Variants in HTR3A observed in about 807,000 individuals in gnomAD.
HTR3A encodes 5-hydroxytryptamine receptor 3A, also known as 5-hydroxytryptamine (serotonin) receptor 3A, ionotropic.
In HTR3A, 45 loss-of-function variants were observed where a neutral mutation model predicts 54.8. That is an observed-to-expected ratio of 0.82 (90% CI 0.65 to 1.05). The LOEUF is 1.05. HTR3A is among the 50% of genes least tolerant of loss of function. The pLI is 0.00. For missense variants in HTR3A, 657 were observed against 614.0 expected (o/e 1.07, Z -0.74); for synonymous variants, 297 against 256.0 (o/e 1.16, Z -1.53).
intron 5 of HTR3A, among the ~76,000 whole-genome samples, chr11:113,984,442 C>T (rs1950463954): frequency 6.6e-6 from 1 of 151,962 alleles, no homozygotes; most frequent in Non-Finnish European, 1.5e-5. Flanking sequence ...ATAATGAGAC[C>T]CTATAAAAAT....
chr11:113,985,006 C>T (rs1345722789), intron 5 of HTR3A, among the ~76,000 whole-genome samples: 3 of 152,170 alleles, frequency 2.0e-5, no homozygotes, highest in Admixed American at 1.3e-4. Flanking sequence ...TGATGCATGA[C>T]TGCCTTGACC....
chr11:113,979,367 A>G, intron 3 of HTR3A, 90 bp downstream of exon 3: 2 of 1,010,994 alleles, frequency 2.0e-6, no homozygotes, highest in Non-Finnish European at 3.1e-6. Flanking sequence ...TGGCGAGGGA[A>G]GGTGAGCGGA....
In HTR3A at chr11:113,985,380, C is replaced by T. The variant is rs3853773; in HGVS notation, c.545-635C>T. On this transcript the variant is annotated intron_variant, in intron 5 of 8. Transcript: ENST00000504030. ...CTCATGATTTTGGAAGGCAGCTGTG[C>T]TCACCACTACCACAAATGCAAACAT... Among the ~76,000 whole-genome samples the T allele has an allele frequency of 2.7e-3, 406 of 152,288 alleles. 2 individuals carry two copies. Among genetic ancestry groups the T allele is most frequent in the African/African-American group, 8.9e-3 (371 of 41,562 alleles).
In HTR3A at chr11:113,989,913, T is replaced by C. The variant is rs970764280; in HGVS notation, c.*150T>C. On this transcript the variant is annotated 3_prime_UTR_variant, in exon 9 of 9. Transcript: ENST00000504030. This position sits in a 1 kb window ranked among gnomAD's most constrained non-coding sequence, Gnocchi z 4.4. ...GCCCTGTTTCCAATGCCAATTCATCTCAGCAATCACAAGCCAAGGTCTGAA... is the reference window on the plus strand; with the variant it reads ...GCCCTGTTTCCAATGCCAATTCATCCCAGCAATCACAAGCCAAGGTCTGAA... 5 of 916,438 alleles carry C rather than the reference T, an allele frequency of 5.5e-6. No homozygotes were observed. Among genetic ancestry groups the C allele is most frequent in the Non-Finnish European group, 8.6e-6 (5 of 578,080 alleles). The allele number at this position is 916,438 out of a possible 1,614,324, so 56.8% of individuals were successfully genotyped here. A position where few individuals can be genotyped will look rare whatever the true frequency, so the allele number is the denominator to read the frequency against.
At position 113,986,944 on chromosome 11, in the gene HTR3A, C is replaced by T; in HGVS notation, c.1036C>T (p.Leu346=). 1 of 1,614,184 alleles carries T rather than the reference C, an allele frequency of 6.2e-7. No homozygotes were observed. The highest frequency in any genetic ancestry group is 1.6e-4 in the Middle Eastern group (1 of 6,062). Residue 346 remains leucine (L), a synonymous_variant, in exon 8 of 9, where the codon CTG becomes TTG. Transcript: ENST00000504030. ...GCCCGTGCCTGCTTGGCTGCGTCAC[C>T]TGGTTCTGGAGAGAATCGCCTGGCT... The part of the protein sequence containing the change: ...QQPVPAWLRH[L]VLERIAWLLC...
At chr11:113,979,344 G>T in intron 3 of HTR3A, 67 bp downstream of exon 3, 1 of 1,294,142 alleles carries the variant, frequency 7.7e-7, no homozygotes, top group Non-Finnish European at 1.1e-6. Flanking sequence ...GAATTCGGGA[G>T]TTTCAGTGGC....
chr11:113,986,649 A>T lies in HTR3A; in HGVS notation c.837A>T (p.Thr279=), dbSNP rs745971512. ...NSGERVSFKI[T]LLLGYSVFLI... ...GCGAGAGGGTCTCTTTCAAGATTAC[A>T]CTCCTCCTGGGCTACTCGGTCTTCC... Residue 279 remains threonine, a synonymous_variant, in exon 7 of 9, where the codon ACA becomes ACT. Transcript: ENST00000504030. 1 of 1,612,838 alleles carries T rather than the reference A, an allele frequency of 6.2e-7. No individual in the cohort carries two copies. The highest frequency in any genetic ancestry group is 8.5e-7 in the Non-Finnish European group (1 of 1,179,718).
chr11:113,975,325 T>C lies in HTR3A; in HGVS notation c.-1T>C. ...GCACTCCTATGCTTGGAAAGCTCGC[T>C]ATGCTGCTGTGGGTCCAGCAGGCGC... On this transcript the variant is annotated 5_prime_UTR_variant, in exon 1 of 9. Transcript: ENST00000504030. 1 of 1,613,592 alleles carries C rather than the reference T, an allele frequency of 6.2e-7. No individual in the cohort carries two copies. Among genetic ancestry groups the C allele is most frequent in the Non-Finnish European group, 8.5e-7 (1 of 1,180,012 alleles).
intron 7 of HTR3A, 31 bp from the exon 8 acceptor site, chr11:113,986,794 G>A: frequency 6.2e-7 from 1 of 1,606,014 alleles, no homozygotes; most frequent in Non-Finnish European, 8.5e-7. Flanking sequence ...CCTCCTGCAT[G>A]TGTCTCTTGC....
chr11:113,985,203 CTTTACGAGTTCGTAT>C (rs1950474821), intron 5 of HTR3A, among the ~76,000 whole-genome samples: 1 of 152,118 alleles, frequency 6.6e-6, no homozygotes, highest in East Asian at 1.9e-4. Flanking sequence ...ATGGAAATTG[CTTTACGAGTTCGTAT>C]TTTAGATGAA....
chr11:113,986,559 G>C lies in HTR3A; in HGVS notation c.747G>C (p.Leu249=), dbSNP rs1950494288. The change falls in exon 7 of 9, where the codon CTG becomes CTC. Residue 249 remains leucine, a synonymous_variant. Coordinates refer to ENST00000504030, the MANE Select transcript of HTR3A (RefSeq NM_000869.6). The part of the protein sequence containing the change: ...RRRPLFYVVS[L]LLPSIFLMVM... ...GGCCCCTCTTCTATGTGGTCAGCCT[G>C]CTACTGCCCAGCATCTTCCTCATGG... 6.2e-7 allele frequency: 1 copy of C among 1,613,078 alleles called. No individual in the cohort carries two copies. The highest frequency in any genetic ancestry group is 8.5e-7 in the Non-Finnish European group (1 of 1,180,016).
chr11:113,975,580 G>A (rs1220859630), intron 1 of HTR3A, among the ~76,000 whole-genome samples, 188 bp downstream of exon 1: 1 of 152,192 alleles, frequency 6.6e-6, no homozygotes. Context: ...GAGAGAGTTA[G>A]GAATGTTGAG....
chr11:113,987,334 G>A (rs1204595990), intron 8 of HTR3A, among the ~76,000 whole-genome samples: 1 of 152,210 alleles, frequency 6.6e-6, no homozygotes, highest in Admixed American at 6.5e-5. Context: ...CCTCTCTCTA[G>A]GATGGACCCA....
chr11:113,975,446 G>A, intron 1 of HTR3A, 54 bp downstream of exon 1: 1 of 1,457,168 alleles, frequency 6.9e-7, no homozygotes, highest in Admixed American at 1.7e-5. Context: ...CTGAGGTGGG[G>A]CAGGGGATGC....
In HTR3A at chr11:113,989,547, A is replaced by G. The variant is rs1950527310; in HGVS notation, c.1221A>G (p.Pro407=). The change falls in exon 9 of 9, where the codon CCA becomes CCG. Residue 407 remains proline, a synonymous_variant. Coordinates refer to ENST00000504030, the MANE Select transcript of HTR3A (RefSeq NM_000869.6). This position sits in a 1 kb window ranked among gnomAD's most constrained non-coding sequence, Gnocchi z 4.4. Reference sequence around the variant, plus strand: ...GGGACAGATGTAGCCCTCCCCCACCACCTCGGGAGGCCTCGCTGGCGGTGT... The same window carrying G: ...GGGACAGATGTAGCCCTCCCCCACCGCCTCGGGAGGCCTCGCTGGCGGTGT... ...SPRDRCSPPP[P]PREASLAVCG... The G allele has an allele frequency of 1.9e-6, 3 of 1,613,810 alleles. No individual in the cohort carries two copies. Among genetic ancestry groups the G allele is most frequent in the Middle Eastern group, 1.6e-4 (1 of 6,082 alleles).
At chr11:113,988,761 C>G (rs1950520028) in intron 8 of HTR3A, among the ~76,000 whole-genome samples, 1 of 151,608 alleles carries the variant, frequency 6.6e-6, no homozygotes, top group Non-Finnish European at 1.5e-5. Flanking sequence ...GAGACTTGGT[C>G]TCCAAACAAA....
intron 8 of HTR3A, among the ~76,000 whole-genome samples, chr11:113,987,480 C>T (rs1345038261): frequency 6.6e-6 from 1 of 152,202 alleles, no homozygotes; most frequent in Non-Finnish European, 1.5e-5. Context: ...TGCCTACAAT[C>T]CCAGCACTTT....
chr11:113,978,420 T>C (rs1013707861), intron 2 of HTR3A, among the ~76,000 whole-genome samples: 1 of 152,154 alleles, frequency 6.6e-6, no homozygotes, highest in Non-Finnish European at 1.5e-5. Flanking sequence ...AAGGAGGCAA[T>C]TGCAGAGATG....
intron 2 of HTR3A, among the ~76,000 whole-genome samples, chr11:113,978,206 C>T (rs1488921895): frequency 6.6e-6 from 1 of 152,196 alleles, no homozygotes; most frequent in East Asian, 1.9e-4. Context: ...CTCTCTATGT[C>T]AGCTGTATGA....
Sources: allele counts gnomAD v4.1 joint callset (sites outside exome capture counted in the v4.1 genomes callset), GRCh38; gene constraint gnomAD v4.1.1; non-coding constraint Gnocchi (gnomAD v3.1); transcripts MANE v1.5; gene names NCBI Gene and HGNC (gene_info 2026-07-23, HGNC 2026-07-21).